The following STARD9 variants were observed in gnomAD, a reference collection of about 807,000 sequenced individuals.
STARD9 encodes the protein stAR-related lipid transfer protein 9.
A neutral mutation model predicts 399.8 loss-of-function variants in STARD9; 346 were observed. The ratio of observed to expected loss-of-function variants is 0.87; its 90% CI spans 0.79 to 0.95. The LOEUF (loss-of-function observed/expected upper bound fraction) is 0.95, where lower values mean the gene tolerates loss of function less well. Among genes scored for constraint, STARD9 ranks in the 40% least tolerant of loss-of-function variants. The pLI, the probability that STARD9 is intolerant of heterozygous loss-of-function variation, is 0.00. For missense variants in STARD9, 5,832 were observed against 5,667.5 expected (o/e 1.03, Z -0.93); for synonymous variants, 2,203 against 2,143.5 (o/e 1.03, Z -0.77).
chr15:42,692,676 C>T lies in STARD9; in HGVS notation c.11098C>T (p.Gln3700Ter). ...CTCAGAGCTGCTTGGGAGTCTCTCC[C>T]AGCCAGATGTGGCCAGAAGGGAGCA... is the stretch of plus-strand genomic sequence containing the variant. ...STSELLGSLS[Q>*]PDVARREQNT... Residue 3700 changes from glutamine (Q) to a stop codon, truncating the protein, a stop_gained, in exon 23 of 33, where the codon CAG (glutamine) becomes TAG (stop). Coordinates refer to ENST00000290607, the MANE Select transcript of STARD9 (RefSeq NM_020759.3). LOFTEE classifies it high-confidence loss of function. 6.5e-7 allele frequency: 1 copy of T among 1,537,190 alleles called. No homozygotes were observed. The highest frequency in any genetic ancestry group is 1.2e-5 in the South Asian group (1 of 84,048).
At position 42,709,053 on chromosome 15, in the gene STARD9, G is replaced by T. The variant is rs2061152252; in HGVS notation, c.13285-7624G>T. 2.0e-5 allele frequency among the ~76,000 whole-genome samples: 3 copies of T among 152,058 alleles called. No individual in the cohort carries two copies. In the South Asian group the frequency reaches 6.2e-4, roughly 32 times the overall value. ...TGGTGATGTGAACTTTGATGTTAAG[G>T]TGGTGGTTGGGGGTCTCTCCACTGA... On this transcript the variant is annotated intron_variant, in intron 26 of 32. Coordinates refer to ENST00000290607, the MANE Select transcript of STARD9 (RefSeq NM_020759.3).
intron 3 of STARD9, among the ~76,000 whole-genome samples, chr15:42,631,319 C>A (rs1031590593): frequency 2.6e-5 from 4 of 152,148 alleles, no homozygotes; most frequent in African/African-American, 7.2e-5. Flanking sequence ...ATGGGGCTTA[C>A]ACCTGTAGTC....
In STARD9 at chr15:42,694,681, A is replaced by G; in HGVS notation, c.12918A>G (p.Arg4306=). 1.3e-6 allele frequency: 2 copies of G among 1,537,176 alleles called. No homozygotes were observed. Among genetic ancestry groups the G allele is most frequent in the Non-Finnish European group, 1.7e-6 (2 of 1,146,892 alleles). ...IWDLDLPSRR[R]EYLQQLRKDV... is the part of the protein sequence containing the mutation. Reference sequence around the variant, plus strand: ...ATCTTGACTTGCCCAGCAGACGCCGAGAATACCTGCAGCAACTGAGGAAGG... The same window carrying G: ...ATCTTGACTTGCCCAGCAGACGCCGGGAATACCTGCAGCAACTGAGGAAGG... Residue 4306 remains arginine (R), a synonymous_variant, in exon 24 of 33, where the codon CGA becomes CGG. Coordinates refer to ENST00000290607, the MANE Select transcript of STARD9 (RefSeq NM_020759.3).
At position 42,662,865 on chromosome 15, in the gene STARD9, C is replaced by G; in HGVS notation, c.842C>G (p.Thr281Ser). 6.5e-7 allele frequency: 1 copy of G among 1,536,986 alleles called. No individual in the cohort carries two copies. The highest frequency in any genetic ancestry group is 8.7e-7 in the Non-Finnish European group (1 of 1,146,504). ...GCCAATATCAACAAGTCCCTTGTGA[C>G]TCTAGGAATTGTCATCTCCACCTTA... ...EGANINKSLV[T>S]LGIVISTLAQ... Residue 281 changes from threonine to serine, a missense_variant, in exon 11 of 33, where the codon ACT (threonine) becomes AGT (serine). This residue lies in a region of STARD9 where 5,828 missense variants were observed against 5,651.1 expected (regional missense o/e 1.03). Transcript: ENST00000290607.
At chr15:42,673,139 C>A (rs373844445) in intron 16 of STARD9, 8 of 148,294 alleles carry the variant, frequency 5.4e-5, no homozygotes, top group African/African-American at 2.0e-4. Context: ...CGGTGGCTCA[C>A]GCTTATAATC....
intron 1 of STARD9, chr15:42,581,151 C>T (rs2058160155): frequency 5.3e-6 from 4 of 748,336 alleles, no homozygotes; most frequent in Non-Finnish European, 1.0e-5. Context: ...AACTGAGCAT[C>T]ACCCCCCAGC....
chr15:42,719,770 G>A lies in STARD9; in HGVS notation c.*196G>A, dbSNP rs1409702717. 3 of 566,636 alleles carry A rather than the reference G, an allele frequency of 5.3e-6. No homozygotes were observed. The highest frequency in any genetic ancestry group is 3.2e-5 in the Admixed American group (1 of 31,544). 35.1% of individuals were successfully genotyped at this position (566,636 alleles called of 1,614,324 possible). On this transcript the variant is annotated 3_prime_UTR_variant, in exon 33 of 33. Coordinates refer to ENST00000290607, the MANE Select transcript of STARD9 (RefSeq NM_020759.3). ...CAGTACTTGGTCACAGCTGGCACCA[G>A]TGCAGAGCAAACGGCCTGAGCTCCT...
intron 1 of STARD9, among the ~76,000 whole-genome samples, chr15:42,579,414 A>G (rs192937033): frequency 6.6e-6 from 1 of 152,358 alleles, no homozygotes; most frequent in African/African-American, 2.4e-5. Flanking sequence ...GCTGTTCAAA[A>G]TGGTACTGAA....
intron 15 of STARD9, among the ~76,000 whole-genome samples, chr15:42,668,478 T>A (rs535962355): frequency 1.1e-3 from 172 of 152,192 alleles, no homozygotes; most frequent in African/African-American, 3.9e-3. Context: ...TACCCTACAT[T>A]TATCACTGTG....
intron 3 of STARD9, among the ~76,000 whole-genome samples, chr15:42,617,460 T>C (rs1388366985): frequency 6.6e-6 from 1 of 152,044 alleles, no homozygotes; most frequent in Non-Finnish European, 1.5e-5. Flanking sequence ...CCTCCCAGGT[T>C]CAAGGGATTC....
chr15:42,676,259 T>C (rs547776206), intron 20 of STARD9, among the ~76,000 whole-genome samples: 4 of 152,292 alleles, frequency 2.6e-5, no homozygotes, highest in East Asian at 1.9e-4. Context: ...GTGGCCACTT[T>C]TCTCTCTCCA....
At chr15:42,663,678 A>G in intron 12 of STARD9, 142 bp from the exon 13 acceptor site, 1 of 690,486 alleles carries the variant, frequency 1.4e-6, no homozygotes, top group South Asian at 1.8e-5. Flanking sequence ...CTGGTACTCT[A>G]TCTCAGAGAA....
intron 18 of STARD9, chr15:42,675,463 G>A (rs929664430): frequency 3.6e-6 from 2 of 560,716 alleles, no homozygotes; most frequent in Admixed American, 3.3e-5. Flanking sequence ...CCTTTCCCTT[G>A]GAATAGTAGA....
chr15:42,663,659 G>T (rs535076933), intron 12 of STARD9, 161 bp from the exon 13 acceptor site: 2 of 623,506 alleles, frequency 3.2e-6, no homozygotes, highest in African/African-American at 3.7e-5. Flanking sequence ...AGCTGGATCT[G>T]TGTTGGGACT....
chr15:42,707,754 C>T (rs77336982), intron 26 of STARD9, among the ~76,000 whole-genome samples: 3,919 of 152,186 alleles, frequency 0.026, 166 homozygotes, highest in African/African-American at 0.086. Flanking sequence ...AATTAAACAA[C>T]ATATACAGTA....
intron 3 of STARD9, among the ~76,000 whole-genome samples, chr15:42,627,198 A>C (rs2059243704): frequency 6.6e-6 from 1 of 152,172 alleles, no homozygotes; most frequent in Admixed American, 6.5e-5. Context: ...TGGGAGGCTA[A>C]GGTGGGAGGA....
At chr15:42,575,823 C>G in intron 1 of STARD9, 61 bp downstream of exon 1, 2 of 1,485,554 alleles carry the variant, frequency 1.3e-6, no homozygotes, top group Non-Finnish European at 1.8e-6. Flanking sequence ...GCGGGAGGTC[C>G]GCGTCTCCCC....
chr15:42,689,065 A>C lies in STARD9; in HGVS notation c.7487A>C (p.Glu2496Ala), dbSNP rs752385782. The C allele has an allele frequency of 1.3e-6, 2 of 1,537,176 alleles. No individual in the cohort carries two copies. Among genetic ancestry groups the C allele is most frequent in the Non-Finnish European group, 1.7e-6 (2 of 1,146,932 alleles). The part of the protein sequence containing the change: ...PEKRVSFSLE[E>A]DSDQASKPRQ... ...AAGAGGGTCAGCTTCTCCTTGGAAG[A>C]GGATAGTGACCAAGCCAGCAAGCCA... Residue 2496 changes from glutamate to alanine, a missense_variant, in exon 23 of 33, where the codon GAG becomes GCG. Coordinates refer to ENST00000290607, the MANE Select transcript of STARD9 (RefSeq NM_020759.3).
At chr15:42,657,926 AAG>A (rs1485261170) in intron 9 of STARD9, among the ~76,000 whole-genome samples, 23 of 152,234 alleles carry the variant, frequency 1.5e-4, no homozygotes, top group African/African-American at 4.8e-4. Flanking sequence ...ATATGAAAAA[AAG>A]AACTTTGATC....
Sources: gnomAD v4.1 joint callset for allele counts (sites outside exome capture counted in the v4.1 genomes callset) on GRCh38, gnomAD v4.1.1 for gene constraint, gnomAD v4.1.1 regional missense constraint, MANE v1.5 for transcripts, NCBI Gene and HGNC (gene_info 2026-07-23, HGNC 2026-07-21) for gene names.